BLTP1: variants seen among roughly 807,000 people sequenced by gnomAD.
The protein encoded by BLTP1 is bridge-like lipid transfer protein family member 1, also known as fragile site-associated protein.
the BLTP1 span, chr4:122,313,558 T>A: frequency 8.6e-7 from 1 of 1,157,684 alleles, no homozygotes; most frequent in South Asian, 1.8e-5. Flanking sequence ...GTGTGAAAAA[T>A]TAAAGAGTAC....
chr4:122,303,794 G>A, the BLTP1 span, among the ~76,000 whole-genome samples: 4 of 152,280 alleles, frequency 2.6e-5, no homozygotes, highest in Admixed American at 2.0e-4. Context: ...AATGGGTGAA[G>A]AGTTCCTTCT....
At chr4:122,246,402 A>T in the BLTP1 span, 1 of 1,139,730 alleles carries the variant, frequency 8.8e-7, no homozygotes, top group African/African-American at 1.6e-5. Flanking sequence ...ACAGTGTGTA[A>T]TATTAAAAAA....
At chr4:122,253,757 C>T in the BLTP1 span, among the ~76,000 whole-genome samples, 1 of 152,016 alleles carries the variant, frequency 6.6e-6, no homozygotes. Context: ...CAGAGAACTT[C>T]CCAAACCTTG....
the BLTP1 span, among the ~76,000 whole-genome samples, chr4:122,321,478 G>A: frequency 3.9e-4 from 56 of 142,068 alleles, no homozygotes; most frequent in Non-Finnish European, 7.8e-4. Context: ...ACATATACAT[G>A]CGATTTATAT....
the BLTP1 span, chr4:122,276,100 C>A: frequency 8.3e-7 from 1 of 1,211,594 alleles, no homozygotes; most frequent in Non-Finnish European, 1.1e-6. Flanking sequence ...AAATTTTTTT[C>A]ATGGCTGTGA....
At chr4:122,191,318 G>A in the BLTP1 span, among the ~76,000 whole-genome samples, 6 of 151,836 alleles carry the variant, frequency 4.0e-5, no homozygotes, top group Admixed American at 3.9e-4. Flanking sequence ...AGTAATTAGA[G>A]ACAAACTATA....
the BLTP1 span, chr4:122,226,851 T>C: frequency 1.9e-6 from 3 of 1,566,236 alleles, no homozygotes; most frequent in Non-Finnish European, 2.6e-6. Context: ...TTAACAAATA[T>C]GTTAGCAATA....
At chr4:122,186,001 T>C in the BLTP1 span, 1 of 1,464,850 alleles carries the variant, frequency 6.8e-7, no homozygotes, top group Admixed American at 2.3e-5. Flanking sequence ...TCTTAAAAAG[T>C]TGACTAAAAA....
chr4:122,290,812 T>TACACACACACACAC, the BLTP1 span: 4 of 92,586 alleles, frequency 4.3e-5, no homozygotes, highest in Admixed American at 1.6e-4. Flanking sequence ...AAAAAAAATA[T>TACACACACACACAC]ACACACACAC....
At chr4:122,316,947 T>C in the BLTP1 span, 11 of 936,992 alleles carry the variant, frequency 1.2e-5, no homozygotes, top group Non-Finnish European at 1.7e-5. Context: ...CTGTATTTGG[T>C]CTAATACAAA....
chr4:122,207,310 G>C, the BLTP1 span: 1 of 1,503,876 alleles, frequency 6.6e-7, no homozygotes, highest in Non-Finnish European at 9.1e-7. Context: ...TCTCATTAAG[G>C]CAAATACCAA....
the BLTP1 span, chr4:122,179,833 C>T: frequency 2.0e-6 from 2 of 984,962 alleles, no homozygotes; most frequent in Non-Finnish European, 2.4e-6. Flanking sequence ...TCACTGTATC[C>T]CCCTCACAGA....
chr4:122,263,346 A>G, the BLTP1 span: 2 of 1,436,060 alleles, frequency 1.4e-6, no homozygotes, highest in Admixed American at 2.9e-5. Context: ...GCAAACATAC[A>G]TTTTAACTTG....
the BLTP1 span, among the ~76,000 whole-genome samples, chr4:122,242,195 T>C: frequency 5.3e-5 from 8 of 152,200 alleles, no homozygotes; most frequent in African/African-American, 1.9e-4. Context: ...ACAGGAGTAT[T>C]CACAATAGCT....
the BLTP1 span, among the ~76,000 whole-genome samples, chr4:122,241,045 A>G: frequency 1.3e-5 from 2 of 152,210 alleles, no homozygotes; most frequent in African/African-American, 2.4e-5. Flanking sequence ...AGATCAGTAT[A>G]TCATTACAAA....
the BLTP1 span, chr4:122,331,704 T>C: frequency 2.0e-6 from 2 of 979,428 alleles, no homozygotes; most frequent in East Asian, 1.1e-4. Flanking sequence ...TACAGTTTCT[T>C]ATAAACAAGT....
the BLTP1 span, among the ~76,000 whole-genome samples, chr4:122,322,950 G>C: frequency 6.6e-6 from 1 of 152,060 alleles, no homozygotes; most frequent in Non-Finnish European, 1.5e-5. Flanking sequence ...AAGCCTAGGG[G>C]ACTTTTCTCC....
At chr4:122,277,028 T>C in the BLTP1 span, 1 of 985,064 alleles carries the variant, frequency 1.0e-6, no homozygotes, top group Non-Finnish European at 1.2e-6. Flanking sequence ...TTTGTGTATT[T>C]TGCCAAATTT....
the BLTP1 span, chr4:122,286,856 T>G: frequency 5.5e-6 from 7 of 1,266,672 alleles, no homozygotes; most frequent in Non-Finnish European, 6.6e-6. Context: ...TACCAAAATA[T>G]GTAGTAATCC....
Sources: allele counts gnomAD v4.1 joint callset (sites outside exome capture counted in the v4.1 genomes callset), GRCh38; gene constraint gnomAD v4.1.1; transcripts MANE v1.5; gene names NCBI Gene and HGNC (gene_info 2026-07-23, HGNC 2026-07-21).